C13orf46: variants seen among roughly 807,000 people sequenced by gnomAD.
C13orf46 encodes uncharacterized protein C13orf46.
chr13:113,940,488 TCGAGACCC>T, the C13orf46 span, among the ~76,000 whole-genome samples: 2 of 133,130 alleles, frequency 1.5e-5, no homozygotes, highest in Non-Finnish European at 3.3e-5. Flanking sequence ...GGCTGGGCAT[TCGAGACCC>T]TGGTCTCTGG....
chr13:113,966,376 GATGATGATGGTGATGGTATTA>G (rs1459543431), intron 5 of C13orf46, among the ~76,000 whole-genome samples: 3 of 151,204 alleles, frequency 2.0e-5, no homozygotes, highest in Non-Finnish European at 4.4e-5. Context: ...TGATGGTGAT[GATGATGATGGTGATGGTATTA>G]ATGATGGTGA....
At chr13:113,945,111 G>A in the C13orf46 span, among the ~76,000 whole-genome samples, 2 of 152,138 alleles carry the variant, frequency 1.3e-5, no homozygotes, top group African/African-American at 4.8e-5. Context: ...GGGCTCTGCA[G>A]GTGTGCGAAG....
the C13orf46 span, among the ~76,000 whole-genome samples, chr13:113,934,958 T>C: frequency 6.6e-6 from 1 of 152,200 alleles, no homozygotes; most frequent in African/African-American, 2.4e-5. Context: ...ATTGGCCCTG[T>C]GGGGAGCTGA....
intron 1 of C13orf46, among the ~76,000 whole-genome samples, chr13:113,971,090 T>G (rs1446530420): frequency 3.3e-5 from 5 of 152,236 alleles, no homozygotes; most frequent in Non-Finnish European, 5.9e-5. Context: ...CAGGAGAGCC[T>G]TGGAGTGAGC....
chr13:113,930,353 G>A, the C13orf46 span, among the ~76,000 whole-genome samples: 1 of 85,440 alleles, frequency 1.2e-5, no homozygotes, highest in South Asian at 2.7e-4. Flanking sequence ...GAGGAGCACC[G>A]AGGTGGGGGC....
At chr13:113,937,205 A>T in the C13orf46 span, among the ~76,000 whole-genome samples, 44 of 152,280 alleles carry the variant, frequency 2.9e-4, no homozygotes, top group African/African-American at 9.9e-4. Flanking sequence ...TAATTTTTGC[A>T]AAGGTGGGTT....
At chr13:113,959,554 G>C (rs1304031361) in intron 6 of C13orf46, among the ~76,000 whole-genome samples, 1 of 152,324 alleles carries the variant, frequency 6.6e-6, no homozygotes, top group South Asian at 2.1e-4. Flanking sequence ...GACACATGGA[G>C]CCCTTCTAGA....
the C13orf46 span, among the ~76,000 whole-genome samples, chr13:113,944,204 G>C: frequency 1.3e-5 from 2 of 152,218 alleles, no homozygotes; most frequent in South Asian, 4.2e-4. Context: ...CCCCTCCCCT[G>C]ATGCTCCAGA....
chr13:113,953,159 G>A (rs1444012666), downstream of C13orf46, among the ~76,000 whole-genome samples: 1 of 152,196 alleles, frequency 6.6e-6, no homozygotes. Flanking sequence ...CATTCCTTGG[G>A]TGTGTGGCTG....
chr13:113,933,755 T>G, the C13orf46 span, among the ~76,000 whole-genome samples: 1 of 152,240 alleles, frequency 6.6e-6, no homozygotes, highest in East Asian at 1.9e-4. Context: ...GAGCTAATTA[T>G]AGCTTCACAA....
the C13orf46 span, among the ~76,000 whole-genome samples, chr13:113,936,223 G>A: frequency 6.6e-6 from 1 of 152,180 alleles, no homozygotes; most frequent in Non-Finnish European, 1.5e-5. Context: ...CCTACTCAAG[G>A]CCCGGATAGA....
At chr13:113,961,551 C>T (rs2052587042) in intron 6 of C13orf46, among the ~76,000 whole-genome samples, 1 of 151,544 alleles carries the variant, frequency 6.6e-6, no homozygotes, top group African/African-American at 2.4e-5. Context: ...CATCTGTAGT[C>T]ATTGTTCTGA....
At chr13:113,939,908 C>A in the C13orf46 span, among the ~76,000 whole-genome samples, 2 of 152,246 alleles carry the variant, frequency 1.3e-5, no homozygotes, top group African/African-American at 4.8e-5. Context: ...CCTGGGTCAT[C>A]AAGAAACCGG....
At chr13:113,938,571 C>T in the C13orf46 span, among the ~76,000 whole-genome samples, 3 of 152,282 alleles carry the variant, frequency 2.0e-5, no homozygotes, top group Admixed American at 6.5e-5. Flanking sequence ...GAGCACCCAC[C>T]GAATAATCCA....
rs1331845861 is a variant in C13orf46, at chr13:113,954,003, G to A, written c.*2770C>T. The A allele has an allele frequency of 6.6e-6, 1 of 152,446 alleles. No individual in the cohort carries two copies. The highest frequency in any genetic ancestry group is 1.5e-5 in the Non-Finnish European group (1 of 68,206). 9.4% of individuals were successfully genotyped at this position (152,446 alleles called of 1,614,324 possible). On this transcript the variant is annotated 3_prime_UTR_variant, in exon 7 of 7. Transcript: ENST00000636427. ...GTCAAGGGTGGGTGCTGGCTTTGGG[G>A]GGTCCCCTTTCTCTCTGCAGCCTGG...
At chr13:113,936,311 G>A in the C13orf46 span, among the ~76,000 whole-genome samples, 2 of 152,218 alleles carry the variant, frequency 1.3e-5, no homozygotes, top group Non-Finnish European at 2.9e-5. Flanking sequence ...GGAAGGGGCC[G>A]TCCTTGCGCC....
chr13:113,944,315 C>G, the C13orf46 span, among the ~76,000 whole-genome samples: 3 of 152,216 alleles, frequency 2.0e-5, no homozygotes, highest in Admixed American at 6.5e-5. Flanking sequence ...CTTGCACCCC[C>G]CTGCCACCCC....
At chr13:113,934,067 C>T in the C13orf46 span, among the ~76,000 whole-genome samples, 1 of 152,112 alleles carries the variant, frequency 6.6e-6, no homozygotes, top group East Asian at 1.9e-4. Context: ...CCGCGGGGCC[C>T]TTCTCTAACC....
At chr13:113,936,364 C>A in the C13orf46 span, among the ~76,000 whole-genome samples, 1 of 152,152 alleles carries the variant, frequency 6.6e-6, no homozygotes, top group Non-Finnish European at 1.5e-5. Context: ...AGCTGACCGG[C>A]TATGGGGAAA....
Sources: allele counts gnomAD v4.1 joint callset (sites outside exome capture counted in the v4.1 genomes callset), GRCh38; gene constraint gnomAD v4.1.1; transcripts MANE v1.5; gene names NCBI Gene and HGNC (gene_info 2026-07-23, HGNC 2026-07-21).